Variants in EHMT1 observed in about 807,000 individuals in gnomAD.
EHMT1 encodes the protein histone-lysine N-methyltransferase EHMT1.
EHMT1 carries 15 observed loss-of-function variants against 147.2 expected under a neutral mutation model. The ratio of observed to expected loss-of-function variants is 0.10; its 90% CI spans 0.07 to 0.16. The LOEUF (loss-of-function observed/expected upper bound fraction) is 0.16, where lower values mean the gene tolerates loss of function less well. Ranked by LOEUF, EHMT1 falls within the 10% of genes least tolerant of loss-of-function variation. The pLI, the probability that EHMT1 is intolerant of heterozygous loss-of-function variation, is 1.00. For synonymous variants in EHMT1, 795 were observed against 709.6 expected (o/e 1.12, Z -1.91); for missense variants, 1,587 against 1,772.4 (o/e 0.90, Z 1.88).
chr9:137,639,304 T>A (rs1366743417), intron 1 of EHMT1, among the ~76,000 whole-genome samples: 1 of 152,222 alleles, frequency 6.6e-6, no homozygotes, highest in Non-Finnish European at 1.5e-5. Context: ...GCATTATGAA[T>A]TTATTAGGTG....
chr9:137,728,664 C>G, intron 4 of EHMT1, 135 bp downstream of exon 4: 1 of 1,148,002 alleles, frequency 8.7e-7, no homozygotes, highest in South Asian at 1.3e-5. Flanking sequence ...AGCTGGCCCT[C>G]CTGTGCTCGC....
chr9:137,763,493 G>C (rs1168713055), intron 10 of EHMT1: 1 of 156,106 alleles, frequency 6.4e-6, no homozygotes, highest in African/African-American at 2.4e-5. Context: ...GTGTCTGGCT[G>C]CCCCGGGCTT....
intron 25 of EHMT1, among the ~76,000 whole-genome samples, chr9:137,821,608 A>C (rs1425848312): frequency 6.6e-6 from 1 of 152,156 alleles, no homozygotes; most frequent in Non-Finnish European, 1.5e-5. Flanking sequence ...CTGGGATTGC[A>C]GGAGTGAGCC....
rs1381880971 is a variant in EHMT1 at position 137,787,095 on chromosome 9, G to A, written c.2383-3753G>A. The A allele has an allele frequency of 1.3e-5, 2 of 152,388 alleles. No homozygotes were observed. Among genetic ancestry groups the A allele is most frequent in the Non-Finnish European group, 2.9e-5 (2 of 68,212 alleles). 9.4% of individuals were successfully genotyped at this position (152,388 alleles called of 1,614,324 possible). On this transcript the variant is annotated intron_variant, in intron 15 of 26. Transcript: ENST00000460843. The surrounding 1 kb of genome is among the most constrained non-coding windows in gnomAD (Gnocchi z 4.2). Reference sequence around the variant, plus strand: ...GGTGTCCTGGTCCCTCGTGTTGCAAGATTTCATGCCGTGTCTGCAGTTTCT... The same window carrying A: ...GGTGTCCTGGTCCCTCGTGTTGCAAAATTTCATGCCGTGTCTGCAGTTTCT...
chr9:137,648,701 T>A (rs1162405506), intron 1 of EHMT1, among the ~76,000 whole-genome samples: 2 of 152,300 alleles, frequency 1.3e-5, no homozygotes, highest in East Asian at 3.9e-4. Flanking sequence ...ATAAACATGT[T>A]AGTTCTCCCA....
chr9:137,717,258 C>A, intron 3 of EHMT1, 76 bp downstream of exon 3: 1 of 1,549,552 alleles, frequency 6.5e-7, no homozygotes, highest in Non-Finnish European at 8.7e-7. Context: ...GACTTTGGTG[C>A]ATTGAGGAGA....
intron 1 of EHMT1, among the ~76,000 whole-genome samples, chr9:137,704,299 T>C (rs1435320294): frequency 6.6e-6 from 1 of 152,032 alleles, no homozygotes; most frequent in African/African-American, 2.4e-5. Flanking sequence ...TAGGGGAATG[T>C]GTGGGAGGAA....
chr9:137,793,188 C>T (rs982204929), intron 16 of EHMT1, among the ~76,000 whole-genome samples: 1 of 152,314 alleles, frequency 6.6e-6, no homozygotes, highest in East Asian at 1.9e-4. Flanking sequence ...TACAAATTAT[C>T]TGATAAGAGG....
chr9:137,776,474 G>A lies in EHMT1; in HGVS notation c.1792-144G>A, dbSNP rs910883210. 1 of 737,514 alleles carries A rather than the reference G, an allele frequency of 1.4e-6. No homozygotes were observed. 45.7% of individuals were successfully genotyped at this position (737,514 alleles called of 1,614,324 possible). ...GTTCCTCCTTCTTAACGATGCCTGGGGCCAAGACTGGACCCCACCCCGACC... is the reference window on the plus strand; with the variant it reads ...GTTCCTCCTTCTTAACGATGCCTGGAGCCAAGACTGGACCCCACCCCGACC... On this transcript the variant is annotated intron_variant, in intron 11 of 26. Coordinates refer to ENST00000460843, the MANE Select transcript of EHMT1 (RefSeq NM_024757.5). The surrounding 1 kb of genome is among the most constrained non-coding windows in gnomAD (Gnocchi z 4.4).
intron 1 of EHMT1, among the ~76,000 whole-genome samples, chr9:137,622,793 G>C (rs954248983): frequency 1.3e-5 from 2 of 151,728 alleles, no homozygotes; most frequent in Admixed American, 1.3e-4. Context: ...TGTAGTCCCA[G>C]CTACTTGAGG....
At chr9:137,693,001 C>T (rs1564596070) in intron 1 of EHMT1, among the ~76,000 whole-genome samples, 1 of 152,172 alleles carries the variant, frequency 6.6e-6, no homozygotes, top group South Asian at 2.1e-4. Flanking sequence ...CCTCTGCCTG[C>T]CTCACCTGGG....
chr9:137,643,459 G>A (rs1283275419), intron 1 of EHMT1, among the ~76,000 whole-genome samples: 1 of 149,834 alleles, frequency 6.7e-6, no homozygotes, highest in African/African-American at 2.5e-5. Flanking sequence ...TCCTGCCTCA[G>A]CCTTCCGAGT....
At chr9:137,789,173 G>T (rs933654095) in intron 15 of EHMT1, 1 of 152,428 alleles carries the variant, frequency 6.6e-6, no homozygotes, top group Non-Finnish European at 1.5e-5. Context: ...GTGGGCCGCC[G>T]AGAGCTGCCC....
intron 3 of EHMT1, among the ~76,000 whole-genome samples, chr9:137,718,909 C>A (rs1378315473): frequency 6.6e-6 from 1 of 151,990 alleles, no homozygotes; most frequent in African/African-American, 2.4e-5. Flanking sequence ...GCGCCTACCA[C>A]CACACCTGGC....
At chr9:137,825,486 G>T (rs1036360698) in intron 25 of EHMT1, among the ~76,000 whole-genome samples, 2 of 152,116 alleles carry the variant, frequency 1.3e-5, no homozygotes, top group Admixed American at 1.3e-4. Context: ...GCCCAGAGGT[G>T]CCACCCTGGG....
At chr9:137,640,632 A>G (rs910144167) in intron 1 of EHMT1, among the ~76,000 whole-genome samples, 2 of 152,350 alleles carry the variant, frequency 1.3e-5, no homozygotes, top group South Asian at 2.1e-4. Flanking sequence ...TCTGAGCCCA[A>G]TATGCAGAGA....
chr9:137,722,653 C>T (rs1302454717), intron 3 of EHMT1, among the ~76,000 whole-genome samples: 5 of 145,140 alleles, frequency 3.4e-5, no homozygotes, highest in Admixed American at 1.4e-4. Flanking sequence ...GGAGGTGGTG[C>T]GGCAGAGACT....
At chr9:137,715,809 C>A (rs1945161496) in intron 2 of EHMT1, 1 of 985,202 alleles carries the variant, frequency 1.0e-6, no homozygotes, top group African/African-American at 1.7e-5. Context: ...TATTGTGAAG[C>A]CTCTTCTGAA....
rs144084593 is a variant in EHMT1 at position 137,765,414 on chromosome 9, C to T, written c.1647+2594C>T. 2.4e-3 allele frequency among the ~76,000 whole-genome samples: 369 copies of T among 152,298 alleles called. 1 individual carries two copies. Among genetic ancestry groups the T allele is most frequent in the Non-Finnish European group, 4.5e-3 (308 of 68,020 alleles). On this transcript the variant is annotated intron_variant, in intron 10 of 26. Transcript: ENST00000460843. ...CTTAGCATTCTTAAGAACTCATGGT[C>T]TTCTCTGTATTCAATGTGTGGTAAG...
Sources: allele counts gnomAD v4.1 joint callset (sites outside exome capture counted in the v4.1 genomes callset), GRCh38; gene constraint gnomAD v4.1.1; non-coding constraint Gnocchi (gnomAD v3.1); transcripts MANE v1.5; gene names NCBI Gene and HGNC (gene_info 2026-07-23, HGNC 2026-07-21).